CD44: variants seen among roughly 807,000 people sequenced by gnomAD.
CD44 encodes the protein CD44 antigen.
In CD44, 49 loss-of-function variants were observed where a neutral mutation model predicts 88.8. That is an observed-to-expected ratio of 0.55 (90% CI 0.44 to 0.70). CD44 has a LOEUF of 0.70. Ranked by LOEUF, CD44 falls within the 30% of genes least tolerant of loss-of-function variation. The pLI, the probability that CD44 is intolerant of heterozygous loss-of-function variation, is 0.00. For synonymous variants in CD44, 325 were observed against 312.3 expected (o/e 1.04, Z -0.43); for missense variants, 883 against 913.8 (o/e 0.97, Z 0.43).
At chr11:35,187,458 A>G (rs986429043) in intron 4 of CD44, among the ~76,000 whole-genome samples, 20 of 152,108 alleles carry the variant, frequency 1.3e-4, no homozygotes, top group Non-Finnish European at 2.5e-4. Context: ...TGGCATCTCT[A>G]TATGTACAAT....
At chr11:35,220,847 A>G (rs758299461) in intron 16 of CD44, among the ~76,000 whole-genome samples, 2 of 147,444 alleles carry the variant, frequency 1.4e-5, no homozygotes, top group Non-Finnish European at 3.0e-5. Flanking sequence ...GCCCACTGCA[A>G]CCTCTGCTTC....
rs1239988533 is a variant in CD44, at chr11:35,229,391, G to A, written c.*58G>A. The stretch of plus-strand genomic sequence containing the variant: ...GTTGGAAACATAACCATTACAGGGA[G>A]CTGGGACACTTAACAGATGCAATGT... On this transcript the variant is annotated 3_prime_UTR_variant, in exon 18 of 18. Transcript: ENST00000428726. The A allele has an allele frequency of 2.9e-5, 32 of 1,085,292 alleles. No individual in the cohort carries two copies. The highest frequency in any genetic ancestry group is 4.0e-5 in the Non-Finnish European group (29 of 717,580). 67.2% of individuals were successfully genotyped at this position (1,085,292 alleles called of 1,614,324 possible).
At chr11:35,216,247 T>C (rs1430572048) in intron 15 of CD44, among the ~76,000 whole-genome samples, 2 of 152,086 alleles carry the variant, frequency 1.3e-5, no homozygotes, top group Admixed American at 6.5e-5. Flanking sequence ...AAGTCTGACA[T>C]GAGGTAGGTT....
At chr11:35,223,278 T>G in intron 17 of CD44, 1 of 985,206 alleles carries the variant, frequency 1.0e-6, no homozygotes. Context: ...AGCTTCCTCA[T>G]TTTCCCTTGG....
At chr11:35,190,096 T>C (rs748000570) in intron 5 of CD44, 31 bp downstream of exon 5, 4 of 1,573,602 alleles carry the variant, frequency 2.5e-6, no homozygotes, top group East Asian at 2.2e-5. Context: ...TGCTTCCCAA[T>C]AGCAATTCCC....
intron 14 of CD44, among the ~76,000 whole-genome samples, chr11:35,211,837 G>C (rs983616886): frequency 6.6e-6 from 1 of 152,052 alleles, no homozygotes; most frequent in Admixed American, 6.5e-5. Flanking sequence ...CGTTTAATTC[G>C]ACTAATATAC....
At chr11:35,187,818 A>G (rs1945836793) in intron 4 of CD44, among the ~76,000 whole-genome samples, 2 of 152,234 alleles carry the variant, frequency 1.3e-5, no homozygotes. Context: ...TGTTTATACC[A>G]CATCCATCTT....
At chr11:35,165,790 T>C (rs1480929845) in intron 1 of CD44, among the ~76,000 whole-genome samples, 1 of 152,174 alleles carries the variant, frequency 6.6e-6, no homozygotes, top group Non-Finnish European at 1.5e-5. Context: ...TAACAGAGTT[T>C]AGGCTAGAAC....
At chr11:35,152,378 T>C (rs1860489916) in intron 1 of CD44, among the ~76,000 whole-genome samples, 2 of 152,206 alleles carry the variant, frequency 1.3e-5, no homozygotes, top group South Asian at 4.1e-4. Flanking sequence ...ATCAAAAGTC[T>C]ACCAGAAATA....
At chr11:35,196,721 A>T in intron 5 of CD44, 25 bp from the exon 6 acceptor site, 5 of 1,610,576 alleles carry the variant, frequency 3.1e-6, no homozygotes, top group Non-Finnish European at 4.2e-6. Context: ...TCTTTCAACA[A>T]TCAATTCAAT....
At chr11:35,165,806 C>A (rs567103177) in intron 1 of CD44, among the ~76,000 whole-genome samples, 1 of 152,278 alleles carries the variant, frequency 6.6e-6, no homozygotes, top group South Asian at 2.1e-4. Context: ...AGAACCAGTG[C>A]ATCCCACTCC....
chr11:35,178,887 C>T (rs1314874298), intron 2 of CD44, among the ~76,000 whole-genome samples: 1 of 152,212 alleles, frequency 6.6e-6, no homozygotes, highest in Non-Finnish European at 1.5e-5. Context: ...CATAATTTCT[C>T]TCAGGTAGCT....
chr11:35,230,228 T>TG lies in CD44; in HGVS notation c.*895_*896insG, dbSNP rs200904906. The TG allele has an allele frequency of 0.026, 3,937 of 152,078 alleles. 141 individuals are homozygous for TG. The highest frequency in any genetic ancestry group is 0.084 in the African/African-American group (3,494 of 41,454). 9.4% of individuals were successfully genotyped at this position (152,078 alleles called of 1,614,324 possible). A position where few individuals can be genotyped will look rare whatever the true frequency, so the allele number is the denominator to read the frequency against. ...TTTTTGTTTTTTGTTTTTTGTTTTT[T>TG]TTTTTTGACACTGTCCAAAGGTTTT... is the stretch of plus-strand genomic sequence containing the variant. On this transcript the variant is annotated 3_prime_UTR_variant, in exon 18 of 18. Coordinates refer to ENST00000428726, the MANE Select transcript of CD44 (RefSeq NM_000610.4).
intron 10 of CD44, chr11:35,205,891 T>C: frequency 8.4e-7 from 1 of 1,183,498 alleles, no homozygotes; most frequent in Non-Finnish European, 1.0e-6. Flanking sequence ...TGCTTTTGTG[T>C]CCTCCAGTTC....
intron 12 of CD44, 33 bp downstream of exon 12, chr11:35,208,239 C>T (rs761648600): frequency 4.4e-6 from 6 of 1,348,410 alleles, no homozygotes; most frequent in African/African-American, 2.9e-5. Context: ...ACTTTATTGA[C>T]TTGTATTCCT....
At chr11:35,225,624 G>A (rs188566224) in intron 17 of CD44, among the ~76,000 whole-genome samples, 3 of 152,126 alleles carry the variant, frequency 2.0e-5, no homozygotes, top group South Asian at 4.2e-4. Flanking sequence ...TGAGACCAGC[G>A]TGGCCAACAT....
chr11:35,166,276 G>C (rs1163274686), intron 1 of CD44, among the ~76,000 whole-genome samples: 5 of 152,218 alleles, frequency 3.3e-5, no homozygotes, highest in African/African-American at 1.2e-4. Context: ...TCTGCCTGAA[G>C]ACGCACTCGT....
intron 1 of CD44, among the ~76,000 whole-genome samples, chr11:35,175,531 C>T (rs926179118): frequency 2.6e-5 from 4 of 152,058 alleles, no homozygotes; most frequent in African/African-American, 9.7e-5. Context: ...CATGTGTGCA[C>T]GTGTGAATGT....
chr11:35,206,666 T>TGGG (rs144689531), intron 11 of CD44, among the ~76,000 whole-genome samples: 104 of 115,770 alleles, frequency 9.0e-4, no homozygotes, highest in Non-Finnish European at 1.1e-3. Context: ...TGGTGGGGGT[T>TGGG]GGTGGGGGGG....
Sources: gnomAD v4.1 joint callset for allele counts (sites outside exome capture counted in the v4.1 genomes callset) on GRCh38, gnomAD v4.1.1 for gene constraint, MANE v1.5 for transcripts, NCBI Gene and HGNC (gene_info 2026-07-23, HGNC 2026-07-21) for gene names.